Variants in HGF observed in about 807,000 individuals in gnomAD.
The protein encoded by HGF is fibroblast-derived tumor cytotoxic factor.
In HGF, 39 loss-of-function variants were observed where a neutral mutation model predicts 111.6. That is an observed-to-expected ratio of 0.35 (90% CI 0.27 to 0.46). The LOEUF is 0.46. Ranked by LOEUF, HGF falls within the 20% of genes least tolerant of loss-of-function variation. The pLI is 1.00. For missense variants in HGF, 735 were observed against 910.5 expected (o/e 0.81, Z 2.48); for synonymous variants, 285 against 294.8 (o/e 0.97, Z 0.34).
chr7:81,727,716 C>A (rs190897375), intron 8 of HGF, among the ~76,000 whole-genome samples: 43 of 152,204 alleles, frequency 2.8e-4, no homozygotes, highest in Middle Eastern at 6.8e-3. Context: ...GAACTCCTGA[C>A]CTCAAGCCAT....
chr7:81,751,696 C>G, intron 5 of HGF: 1 of 1,030,230 alleles, frequency 9.7e-7, no homozygotes, highest in Non-Finnish European at 1.2e-6. Context: ...CCTTGTCACA[C>G]CACTTCATGA....
chr7:81,751,637 G>A (rs1029089811), intron 5 of HGF: 4 of 996,700 alleles, frequency 4.0e-6, no homozygotes, highest in East Asian at 1.1e-4. Context: ...ATGGGGTCAA[G>A]CTTCCAGTGA....
chr7:81,727,309 T>G (rs1021963737), intron 8 of HGF, among the ~76,000 whole-genome samples: 4 of 151,662 alleles, frequency 2.6e-5, no homozygotes, highest in African/African-American at 9.7e-5. Flanking sequence ...TCCCAAAGTG[T>G]GGGAATTACA....
rs541515764 is a variant in HGF, at chr7:81,701,839, T to G, written c.*742A>C. ...CTGAAATGCCAACCAAAGAAGATCA[T>G]CTGCAGATTATGTATGGAGAATTAG... On this transcript the variant is annotated 3_prime_UTR_variant, in exon 18 of 18. Coordinates refer to ENST00000222390, the MANE Select transcript of HGF (RefSeq NM_000601.6). The G allele has an allele frequency of 4.6e-5, 7 of 152,228 alleles. No individual in the cohort carries two copies. The highest frequency in any genetic ancestry group is 1.7e-4 in the African/African-American group (7 of 41,564). 9.4% of individuals were successfully genotyped at this position (152,228 alleles called of 1,614,324 possible). A position where few individuals can be genotyped will look rare whatever the true frequency, so the allele number is the denominator to read the frequency against.
At chr7:81,751,003 G>T in intron 5 of HGF, 1 of 979,056 alleles carries the variant, frequency 1.0e-6, no homozygotes, top group Non-Finnish European at 1.2e-6. Context: ...TACAAACAGA[G>T]ATGGAACTGG....
chr7:81,729,839 G>C (rs1342012091), intron 7 of HGF, 60 bp from the exon 8 acceptor site: 1 of 1,515,010 alleles, frequency 6.6e-7, no homozygotes, highest in Non-Finnish European at 9.1e-7. Flanking sequence ...GATGTCATTT[G>C]CCTCTTAGAG....
In HGF at chr7:81,758,722, C is replaced by A; in HGVS notation, c.337G>T (p.Gly113Cys). The change falls in exon 3 of 18, where the codon GGC (glycine) becomes TGC (cysteine). Residue 113 changes from glycine to cysteine, a missense_variant. Around this residue, in one of 3 missense-constraint regions of HGF, gnomAD observed 553 missense variants for 685.6 expected, o/e 0.81. Transcript: ENST00000222390. ...TTTTCATAGAGGTCAAATTCATGGCCAAATTCTTTTTTCACTCCACTTGAC... is the reference window on the plus strand; with the variant it reads ...TTTTCATAGAGGTCAAATTCATGGCAAAATTCTTTTTTCACTCCACTTGAC... ...SMSSGVKKEF[G>C]HEFDLYENKD... The A allele has an allele frequency of 6.2e-7, 1 of 1,611,882 alleles. No homozygotes were observed. Among genetic ancestry groups the A allele is most frequent in the South Asian group, 1.1e-5 (1 of 91,002 alleles).
intron 5 of HGF, among the ~76,000 whole-genome samples, chr7:81,747,904 C>T (rs1788339073): frequency 6.6e-6 from 1 of 152,010 alleles, no homozygotes; most frequent in Non-Finnish European, 1.5e-5. Flanking sequence ...CTGCACCACT[C>T]CAGCCTGGGC....
At chr7:81,706,470 C>A (rs1358574098) in intron 14 of HGF, 43 bp from the exon 15 acceptor site, 3 of 1,491,816 alleles carry the variant, frequency 2.0e-6, no homozygotes, top group Non-Finnish European at 2.8e-6. Context: ...CATAATAATT[C>A]CAAATTCTGT....
At position 81,729,617 on chromosome 7, in the gene HGF, T is replaced by C. The variant is rs1209182625; in HGVS notation, c.1028A>G (p.Asn343Ser). The C allele has an allele frequency of 1.9e-6, 3 of 1,613,518 alleles. No homozygotes were observed. Among genetic ancestry groups the C allele is most frequent in the Admixed American group, 3.3e-5 (2 of 59,990 alleles). ...YPHEHDMTPE[N>S]FKCKDLRENY... ...CTACTTTACTCACTTGCACTTGAAA[T>C]TTTCAGGAGTCATGTCATGCTCGTG... Residue 343 changes from asparagine to serine, a missense_variant, in exon 8 of 18, where the codon AAT becomes AGT. Asn to Ser is a conservative substitution (Grantham distance 46). Coordinates refer to ENST00000222390, the MANE Select transcript of HGF (RefSeq NM_000601.6).
chr7:81,725,257 T>G (rs566377029), intron 9 of HGF, among the ~76,000 whole-genome samples: 4 of 152,340 alleles, frequency 2.6e-5, no homozygotes, highest in African/African-American at 9.6e-5. Context: ...GCCTCTCTAA[T>G]CTCATCTCCT....
intron 9 of HGF, among the ~76,000 whole-genome samples, chr7:81,722,847 A>G (rs867611919): frequency 1.8e-4 from 27 of 145,994 alleles, no homozygotes; most frequent in African/African-American, 6.8e-4. Flanking sequence ...TTAAAAAGGT[A>G]TATATATATA....
chr7:81,706,546 T>A, intron 14 of HGF, 119 bp from the exon 15 acceptor site: 1 of 782,346 alleles, frequency 1.3e-6, no homozygotes, highest in Non-Finnish European at 2.1e-6. Context: ...AAAATTTGAT[T>A]CATAGTATAA....
intron 7 of HGF, among the ~76,000 whole-genome samples, chr7:81,732,052 T>C (rs1787678229): frequency 6.6e-6 from 1 of 152,166 alleles, no homozygotes; most frequent in Non-Finnish European, 1.5e-5. Context: ...TTTGATTATT[T>C]ACTACTGAGC....
chr7:81,764,736 G>C (rs1429724703), intron 1 of HGF, among the ~76,000 whole-genome samples: 2 of 151,838 alleles, frequency 1.3e-5, no homozygotes, highest in African/African-American at 4.8e-5. Flanking sequence ...TCTCTGGCAT[G>C]AAGAAGAAAC....
At chr7:81,710,590 A>G (rs977903) in intron 12 of HGF, among the ~76,000 whole-genome samples, 10,831 of 152,132 alleles carry the variant, frequency 0.071, 1,288 homozygotes, top group African/African-American at 0.25. Context: ...GTTATTTACA[A>G]TGGTTATTTC....
chr7:81,752,269 T>G lies in HGF; in HGVS notation c.483-7A>C. On this transcript the variant is annotated splice_region_variant and splice_polypyrimidine_tract_variant and intron_variant, in intron 4 of 17. Coordinates refer to ENST00000222390, the MANE Select transcript of HGF (RefSeq NM_000601.6). The stretch of plus-strand genomic sequence containing the variant: ...ATAGCTCGAAGGCAAAAAGCTAGTT[T>G]TAAAATGATAATCATTACAGTATAA... The G allele has an allele frequency of 6.2e-7, 1 of 1,612,976 alleles. No homozygotes were observed.
chr7:81,747,206 G>C (rs1349182243), intron 5 of HGF, among the ~76,000 whole-genome samples: 2 of 152,178 alleles, frequency 1.3e-5, no homozygotes, highest in African/African-American at 4.8e-5. Context: ...AGGTGTGGTG[G>C]TGGGCACCTG....
At chr7:81,729,497 G>A (rs1039932531) in intron 8 of HGF, 108 bp downstream of exon 8, 23 of 801,404 alleles carry the variant, frequency 2.9e-5, no homozygotes, top group Non-Finnish European at 4.8e-5. Flanking sequence ...GATTATCACT[G>A]GGCACGCTGA....
Sources: allele counts gnomAD v4.1 joint callset (sites outside exome capture counted in the v4.1 genomes callset), GRCh38; gene constraint gnomAD v4.1.1; regional missense constraint gnomAD v4.1.1; transcripts MANE v1.5; gene names NCBI Gene and HGNC (gene_info 2026-07-23, HGNC 2026-07-21).